Variants in ZKSCAN2 observed in about 807,000 individuals in gnomAD.
ZKSCAN2 encodes zinc finger protein with KRAB and SCAN domains 2.
In ZKSCAN2, 38 loss-of-function variants were observed where a neutral mutation model predicts 90.5. The observed-to-expected ratio is 0.42, with a 90% CI of 0.32 to 0.55. The LOEUF (loss-of-function observed/expected upper bound fraction) is 0.55. Among genes scored for constraint, ZKSCAN2 ranks in the 20% least tolerant of loss-of-function variants. ZKSCAN2 has a pLI of 0.11. For synonymous variants in ZKSCAN2, 429 were observed against 421.6 expected (o/e 1.02, Z -0.22); for missense variants, 1,167 against 1,202.6 (o/e 0.97, Z 0.44).
rs1345076886 is a variant in ZKSCAN2, at chr16:25,246,797, C to T, written c.1399G>A (p.Ala467Thr). ...ATTTCATCATCATCAGAATCTTCTGCAGCTTCCTCCTCCTCCACCAAGCTG... is the reference window on the plus strand; with the variant it reads ...ATTTCATCATCATCAGAATCTTCTGTAGCTTCCTCCTCCTCCACCAAGCTG... ...HISLVEEEEA[A>T]EDSDDDEIGI... The change falls in exon 5 of 7, where the codon GCA (alanine) becomes ACA (threonine). Residue 467 changes from alanine (A) to threonine (T), a missense_variant. Ala to Thr is a moderately conservative substitution (Grantham distance 58). Coordinates refer to ENST00000328086, the MANE Select transcript of ZKSCAN2 (RefSeq NM_001012981.5). 6.2e-7 allele frequency: 1 copy of T among 1,614,220 alleles called. No homozygotes were observed. The highest frequency in any genetic ancestry group is 8.5e-7 in the Non-Finnish European group (1 of 1,180,044).
Position 25,239,446 on chromosome 16 carries a change from T to A in ZKSCAN2, c.*370A>T. On this transcript the variant is annotated 3_prime_UTR_variant, in exon 7 of 7. Coordinates refer to ENST00000328086, the MANE Select transcript of ZKSCAN2 (RefSeq NM_001012981.5). ...TTCATCCAGGATCTCACGGAGTAGGTAATAACAACAAAAAAACTTTTGGCA... is the reference window on the plus strand; with the variant it reads ...TTCATCCAGGATCTCACGGAGTAGGAAATAACAACAAAAAAACTTTTGGCA... 5.9e-6 allele frequency: 1 copy of A among 169,982 alleles called. No homozygotes were observed. The highest frequency in any genetic ancestry group is 1.3e-5 in the Non-Finnish European group (1 of 78,608). 10.5% of individuals were successfully genotyped at this position (169,982 alleles called of 1,614,324 possible).
intron 4 of ZKSCAN2, among the ~76,000 whole-genome samples, chr16:25,248,103 A>G (rs979076561): frequency 5.9e-5 from 9 of 152,160 alleles, no homozygotes; most frequent in African/African-American, 2.2e-4. Flanking sequence ...TGAACTCAAA[A>G]TGGATTAAGC....
chr16:25,255,180 G>C (rs1165042606), intron 2 of ZKSCAN2, 26 bp downstream of exon 2: 1 of 1,583,058 alleles, frequency 6.3e-7, no homozygotes, highest in Non-Finnish European at 8.6e-7. Flanking sequence ...CTCTGCACTA[G>C]GCGTGCTCCG....
At chr16:25,242,491 G>C (rs1372058339) in intron 6 of ZKSCAN2, among the ~76,000 whole-genome samples, 1 of 152,188 alleles carries the variant, frequency 6.6e-6, no homozygotes, top group African/African-American at 2.4e-5. Context: ...CGGAGCTCCT[G>C]TCCTTCAGGA....
chr16:25,245,715 A>G (rs1048456046), intron 5 of ZKSCAN2, among the ~76,000 whole-genome samples: 15 of 151,338 alleles, frequency 9.9e-5, no homozygotes, highest in Admixed American at 2.6e-4. Flanking sequence ...GGTTGCAGTG[A>G]GCCGAGATTG....
chr16:25,244,927 T>C (rs540441188), intron 5 of ZKSCAN2, among the ~76,000 whole-genome samples: 4 of 152,332 alleles, frequency 2.6e-5, no homozygotes, highest in South Asian at 4.1e-4. Context: ...GCTTTTTGTA[T>C]GTTTTGTAAT....
intron 2 of ZKSCAN2, among the ~76,000 whole-genome samples, chr16:25,254,960 ATATT>A (rs1470583371): frequency 2.8e-5 from 4 of 140,590 alleles, no homozygotes; most frequent in African/African-American, 1.1e-4. Context: ...CACCTGGCTA[ATATT>A]TTTTTTTTTT....
In ZKSCAN2 at chr16:25,243,965, G is replaced by A; in HGVS notation, c.1801C>T (p.Pro601Ser). ...ATACCCCCTCTTTCTTGCCTTGAAG[G>A]TGATGGGACTTCCTCTGGGGTGCTG... ...SPSTPEEVPS[P>S]SRQERGGIEV... The change falls in exon 6 of 7, where the codon CCT (proline) becomes TCT (serine). Residue 601 changes from proline (P) to serine (S), a missense_variant. Pro to Ser is a moderately conservative substitution (Grantham distance 74, BLOSUM62 -1). Coordinates refer to ENST00000328086, the MANE Select transcript of ZKSCAN2 (RefSeq NM_001012981.5). 2 of 1,614,144 alleles carry A rather than the reference G, an allele frequency of 1.2e-6. No individual in the cohort carries two copies. Among genetic ancestry groups the A allele is most frequent in the Non-Finnish European group, 1.7e-6 (2 of 1,180,018 alleles).
chr16:25,247,322 G>C lies in ZKSCAN2; in HGVS notation c.874C>G (p.Leu292Val). The change falls in exon 5 of 7, where the codon CTG (leucine) becomes GTG (valine). Residue 292 changes from leucine (L) to valine (V), a missense_variant. By Grantham distance (32) the Leu-to-Val change is conservative (BLOSUM62 1). Transcript: ENST00000328086. The part of the protein sequence containing the change: ...EQRKEPWTLG[L>V]HSSNKRSILR... ...ATACTTCTCTTGTTAGAGGAATGCA[G>C]ACCTAGAGTCCATGGCTCCTTTCTC... 1 of 1,613,770 alleles carries C rather than the reference G, an allele frequency of 6.2e-7. No individual in the cohort carries two copies. The highest frequency in any genetic ancestry group is 8.5e-7 in the Non-Finnish European group (1 of 1,180,000).
chr16:25,248,954 A>G (rs971697045), intron 4 of ZKSCAN2, among the ~76,000 whole-genome samples: 6 of 152,216 alleles, frequency 3.9e-5, no homozygotes, highest in Non-Finnish European at 8.8e-5. Context: ...TTCTGCCTTA[A>G]AAAAGAAGAA....
At chr16:25,252,869 G>T in intron 3 of ZKSCAN2, 77 bp downstream of exon 3, 1 of 1,216,324 alleles carries the variant, frequency 8.2e-7, no homozygotes, top group South Asian at 1.2e-5. Context: ...AGTGAGCTGA[G>T]ATTGCGCCAC....
At chr16:25,252,689 G>A (rs902414655) in intron 3 of ZKSCAN2, among the ~76,000 whole-genome samples, 1 of 152,006 alleles carries the variant, frequency 6.6e-6, no homozygotes, top group Non-Finnish European at 1.5e-5. Flanking sequence ...CGGGTCGGGC[G>A]GGTCACTTGA....
chr16:25,243,209 G>A (rs926094223), intron 6 of ZKSCAN2, among the ~76,000 whole-genome samples: 46 of 151,950 alleles, frequency 3.0e-4, no homozygotes, highest in African/African-American at 1.0e-3. Context: ...TCTTCCCCAC[G>A]GTACTTCCAG....
intron 1 of ZKSCAN2, among the ~76,000 whole-genome samples, chr16:25,255,916 T>C (rs1475047887): frequency 6.6e-6 from 1 of 152,174 alleles, no homozygotes; most frequent in African/African-American, 2.4e-5. Flanking sequence ...GAGAAGGAAA[T>C]CTGTCAGGAG....
chr16:25,246,690 C>G lies in ZKSCAN2; in HGVS notation c.1489+17G>C, dbSNP rs1352981898. The G allele has an allele frequency of 1.2e-6, 2 of 1,613,490 alleles. No homozygotes were observed. Among genetic ancestry groups the G allele is most frequent in the Admixed American group, 1.7e-5 (1 of 59,982 alleles). On this transcript the variant is annotated intron_variant, in intron 5 of 6. Transcript: ENST00000328086. The stretch of plus-strand genomic sequence containing the variant: ...CACATCTGTTTTCCTACCAGAGAAA[C>G]AAAGCACAATTCTTACCACTGAGAT...
intron 5 of ZKSCAN2, 134 bp downstream of exon 5, chr16:25,246,573 T>C: frequency 1.1e-6 from 1 of 870,094 alleles, no homozygotes; most frequent in Non-Finnish European, 1.8e-6. Flanking sequence ...ACTTCAGTGA[T>C]GTGGCCACAC....
Position 25,253,021 on chromosome 16 carries a change from C to G in ZKSCAN2, c.603G>C (p.Trp201Cys), listed in dbSNP as rs772090808. ...PLPKNARPSP[W>C]VPALADEWNT... ...TCCATTCATCAGCAAGGGCAGGAAC[C>G]CAGGGAGAAGGCCGAGCTGTAAGAA... The change falls in exon 3 of 7, where the codon TGG (tryptophan) becomes TGC (cysteine). Residue 201 changes from tryptophan (W) to cysteine (C), a missense_variant. Trp to Cys is a radical substitution (Grantham distance 215). Coordinates refer to ENST00000328086, the MANE Select transcript of ZKSCAN2 (RefSeq NM_001012981.5). 6.2e-7 allele frequency: 1 copy of G among 1,614,012 alleles called. No individual in the cohort carries two copies. The highest frequency in any genetic ancestry group is 8.5e-7 in the Non-Finnish European group (1 of 1,179,946).
chr16:25,240,995 G>A (rs1351306843), intron 6 of ZKSCAN2, among the ~76,000 whole-genome samples: 1 of 152,108 alleles, frequency 6.6e-6, no homozygotes, highest in East Asian at 1.9e-4. Context: ...CGATTAACAA[G>A]GGTGCAACCT....
intron 4 of ZKSCAN2, among the ~76,000 whole-genome samples, chr16:25,251,004 C>T (rs1219269237): frequency 6.6e-6 from 1 of 152,132 alleles, no homozygotes; most frequent in African/African-American, 2.4e-5. Flanking sequence ...GATCTGTCTG[C>T]TTTGACTTCC....
Sources: allele counts gnomAD v4.1 joint callset (sites outside exome capture counted in the v4.1 genomes callset), GRCh38; gene constraint gnomAD v4.1.1; transcripts MANE v1.5; gene names NCBI Gene and HGNC (gene_info 2026-07-23, HGNC 2026-07-21).